The following KCNT2 variants were observed in gnomAD, a reference collection of about 807,000 sequenced individuals.
KCNT2 encodes potassium sodium-activated channel subfamily T member 2.
A neutral mutation model predicts 153.8 loss-of-function variants in KCNT2; 67 were observed. That is an observed-to-expected ratio of 0.44 (90% CI 0.36 to 0.53). KCNT2 has a LOEUF of 0.53. Ranked by LOEUF, KCNT2 falls within the 20% of genes least tolerant of loss-of-function variation. The pLI, the probability that KCNT2 is intolerant of heterozygous loss-of-function variation, is 0.00. For synonymous variants in KCNT2, 500 were observed against 458.8 expected (o/e 1.09, Z -1.15); for missense variants, 975 against 1,354.8 (o/e 0.72, Z 4.40).
chr1:196,261,358 G>T (rs1254041728), intron 25 of KCNT2, among the ~76,000 whole-genome samples: 4 of 151,718 alleles, frequency 2.6e-5, no homozygotes, highest in African/African-American at 7.3e-5. Context: ...CTAAAAAATT[G>T]TCATTCTATT....
intron 1 of KCNT2, among the ~76,000 whole-genome samples, chr1:196,594,251 T>C (rs1434957995): frequency 6.6e-6 from 1 of 152,176 alleles, no homozygotes; most frequent in Non-Finnish European, 1.5e-5. Context: ...CTTTGCTATT[T>C]CCACAGAAAA....
intron 1 of KCNT2, among the ~76,000 whole-genome samples, chr1:196,583,162 C>A (rs997484227): frequency 6.6e-6 from 1 of 151,988 alleles, no homozygotes; most frequent in South Asian, 2.1e-4. Context: ...GAAAGGCAGG[C>A]ACATTAATTA....
At chr1:196,382,948 C>T (rs760415012) in intron 13 of KCNT2, among the ~76,000 whole-genome samples, 6 of 151,860 alleles carry the variant, frequency 4.0e-5, no homozygotes, top group African/African-American at 7.3e-5. Flanking sequence ...AAAGGATCAG[C>T]GTACATGGAA....
At chr1:196,299,830 C>G (rs1661013945) in intron 22 of KCNT2, among the ~76,000 whole-genome samples, 1 of 152,016 alleles carries the variant, frequency 6.6e-6, no homozygotes, top group South Asian at 2.1e-4. Flanking sequence ...TTTAGAATGG[C>G]CAAGATATGG....
chr1:196,288,608 T>C (rs761237761), intron 22 of KCNT2, among the ~76,000 whole-genome samples: 7 of 152,074 alleles, frequency 4.6e-5, no homozygotes, highest in Non-Finnish European at 1.0e-4. Context: ...CATTCTACTG[T>C]GGTATTTGCA....
intron 1 of KCNT2, among the ~76,000 whole-genome samples, chr1:196,501,720 ACACTT>A (rs1163010550): frequency 6.6e-6 from 1 of 152,210 alleles, no homozygotes; most frequent in East Asian, 1.9e-4. Flanking sequence ...CAAGAAAACT[ACACTT>A]GTTCCTCTTA....
At chr1:196,297,374 A>G (rs930685241) in intron 22 of KCNT2, among the ~76,000 whole-genome samples, 6 of 152,092 alleles carry the variant, frequency 3.9e-5, no homozygotes, top group Non-Finnish European at 8.8e-5. Flanking sequence ...TTTCCTCTTC[A>G]CAATAGACAC....
At position 196,587,989 on chromosome 1, in the gene KCNT2, C is replaced by A. The variant is rs913056285; in HGVS notation, c.95+20226G>T. On this transcript the variant is annotated intron_variant, in intron 1 of 27. Coordinates refer to ENST00000294725, the MANE Select transcript of KCNT2 (RefSeq NM_198503.5). ...TGGCTCAATGCCTGCCTGGTTCTTG[C>A]CTTGATAAGATAGTGTGGAAAAATT... Among the ~76,000 whole-genome samples the A allele has an allele frequency of 9.2e-5, 14 of 152,048 alleles. 1 individual carries two copies. The highest frequency in any genetic ancestry group is 3.1e-4 in the African/African-American group (13 of 41,530).
chr1:196,487,409 A>AGTGTGTGTGT (rs56943556), intron 3 of KCNT2, among the ~76,000 whole-genome samples: 4,055 of 146,496 alleles, frequency 0.028, 90 homozygotes, highest in Middle Eastern at 0.052. Flanking sequence ...CATGTTATGG[A>AGTGTGTGTGT]GTGTGTGTGT....
At chr1:196,290,544 G>C (rs1017680930) in intron 22 of KCNT2, among the ~76,000 whole-genome samples, 1 of 151,356 alleles carries the variant, frequency 6.6e-6, no homozygotes, top group Non-Finnish European at 1.5e-5. Flanking sequence ...ATATATGTGT[G>C]TGTGTGTGTA....
chr1:196,326,675 A>T (rs2148071765), intron 19 of KCNT2, 42 bp downstream of exon 19: 3 of 1,225,086 alleles, frequency 2.4e-6, no homozygotes, highest in Non-Finnish European at 3.4e-6. Flanking sequence ...ACATACTATT[A>T]AAAACAGTTT....
chr1:196,445,579 T>G (rs1675618146), intron 8 of KCNT2, among the ~76,000 whole-genome samples: 1 of 151,476 alleles, frequency 6.6e-6, no homozygotes, highest in Admixed American at 6.6e-5. Flanking sequence ...ATTCTTAAAG[T>G]GTAATATTAA....
chr1:196,266,084 A>G lies in KCNT2; in HGVS notation c.2911-7590T>C, dbSNP rs542302780. On this transcript the variant is annotated intron_variant, in intron 25 of 27. Transcript: ENST00000294725. ...TGGATACACAGGAGAAAACAAAAAT[A>G]TAAACAGAAGTCTATAATTTGTCCC... Among the ~76,000 whole-genome samples the G allele has an allele frequency of 2.0e-5, 3 of 152,356 alleles. No homozygotes were observed. In the South Asian group the frequency reaches 6.2e-4, roughly 32 times the overall value.
chr1:196,459,581 T>C (rs1231739217), intron 8 of KCNT2, among the ~76,000 whole-genome samples: 1 of 151,864 alleles, frequency 6.6e-6, no homozygotes, highest in African/African-American at 2.4e-5. Context: ...GCCTGCTCTG[T>C]TGATAAAATG....
chr1:196,560,244 A>G (rs1412874843), intron 1 of KCNT2, among the ~76,000 whole-genome samples: 1 of 151,908 alleles, frequency 6.6e-6, no homozygotes, highest in East Asian at 1.9e-4. Flanking sequence ...TATGCAAAAG[A>G]CGACAAAACC....
chr1:196,243,531 C>A (rs992595019), intron 26 of KCNT2, among the ~76,000 whole-genome samples: 1 of 152,092 alleles, frequency 6.6e-6, no homozygotes, highest in Non-Finnish European at 1.5e-5. Context: ...TCTGTGCACT[C>A]GGGGAATGGA....
intron 22 of KCNT2, among the ~76,000 whole-genome samples, chr1:196,293,494 A>C (rs138529767): frequency 1.7e-3 from 255 of 152,344 alleles, no homozygotes; most frequent in African/African-American, 5.4e-3. Flanking sequence ...CCCAGCAATA[A>C]ACCCATGAAT....
At chr1:196,355,692 A>T (rs1366743013) in intron 14 of KCNT2, among the ~76,000 whole-genome samples, 1 of 151,736 alleles carries the variant, frequency 6.6e-6, no homozygotes, top group Non-Finnish European at 1.5e-5. Flanking sequence ...CACACAAAAA[A>T]TACCCTAAAA....
At chr1:196,487,702 T>G (rs1679545170) in intron 3 of KCNT2, among the ~76,000 whole-genome samples, 1 of 152,000 alleles carries the variant, frequency 6.6e-6, no homozygotes, top group South Asian at 2.1e-4. Context: ...GTTTTCTTCC[T>G]TTAATAGTTG....
Sources: gnomAD v4.1 joint callset for allele counts (sites outside exome capture counted in the v4.1 genomes callset) on GRCh38, gnomAD v4.1.1 for gene constraint, MANE v1.5 for transcripts, NCBI Gene and HGNC (gene_info 2026-07-23, HGNC 2026-07-21) for gene names.